SGO1: variants seen among roughly 807,000 people sequenced by gnomAD.
SGO1 encodes shugoshin 1.
Under a neutral mutation model 50.5 loss-of-function variants are expected in SGO1, and 39 were observed. The ratio of observed to expected loss-of-function variants is 0.77; its 90% CI spans 0.60 to 1.01. The LOEUF is 1.01. Among genes scored for constraint, SGO1 ranks in the 50% least tolerant of loss-of-function variants. The pLI is 0.00. For synonymous variants in SGO1, 191 were observed against 205.1 expected (o/e 0.93, Z 0.59); for missense variants, 638 against 606.0 (o/e 1.05, Z -0.55).
At position 20,174,371 on chromosome 3, in the gene SGO1, T is replaced by C. The variant is rs145134729; in HGVS notation, c.1160A>G (p.Lys387Arg). 1.9e-6 allele frequency: 3 copies of C among 1,614,070 alleles called. No homozygotes were observed. The highest frequency in any genetic ancestry group is 1.1e-5 in the South Asian group (1 of 91,088). The change falls in exon 6 of 8, where the codon AAG becomes AGG. Residue 387 changes from lysine (K) to arginine (R), a missense_variant. Coordinates refer to ENST00000412997, the MANE Select transcript of SGO1 (RefSeq NM_001199251.3). ...ATTGCTCGTGGGATTCTGAATGTAC[T>C]TGCAAGTGGGCAAATAGAGGTCATC... Reference protein sequence around the residue: ...DSDDLYLPTCKYIQNPTSNSD... With the variant: ...DSDDLYLPTCRYIQNPTSNSD...
In SGO1 at chr3:20,171,025, C is replaced by T. The variant is rs543956608; in HGVS notation, c.1472+18G>A. The T allele has an allele frequency of 4.4e-5, 69 of 1,563,404 alleles. No homozygotes were observed. The highest frequency in any genetic ancestry group is 2.4e-4 in the South Asian group (20 of 82,630). On this transcript the variant is annotated intron_variant, in intron 7 of 7. Transcript: ENST00000412997. ...ACATGTATCATTAAAAATAAGTTCCCACAAACCAAATACTTACGAAGCGAG... is the reference window on the plus strand; with the variant it reads ...ACATGTATCATTAAAAATAAGTTCCTACAAACCAAATACTTACGAAGCGAG...
downstream of SGO1, among the ~76,000 whole-genome samples, chr3:20,166,215 G>C (rs1700292749): frequency 6.6e-6 from 1 of 152,116 alleles, no homozygotes; most frequent in Non-Finnish European, 1.5e-5. Context: ...CCAACAGAAT[G>C]GGGGAGGACA....
intron 8 of SGO1, among the ~76,000 whole-genome samples, chr3:20,162,261 C>A (rs962257132): frequency 3.3e-5 from 5 of 152,150 alleles, no homozygotes; most frequent in African/African-American, 1.2e-4. Context: ...AGTTGTGAGC[C>A]AAACAACACT....
chr3:20,161,295 G>A, intron 8 of SGO1: 1 of 1,397,522 alleles, frequency 7.2e-7, no homozygotes, highest in Non-Finnish European at 9.3e-7. Context: ...ATTTTATTCA[G>A]AAGGAAAAAT....
downstream of SGO1, chr3:20,169,115 G>A (rs1700473331): frequency 1.0e-6 from 1 of 985,228 alleles, no homozygotes; most frequent in Non-Finnish European, 1.2e-6. Flanking sequence ...AAAAATTTGG[G>A]ATGATGAAAA....
downstream of SGO1, among the ~76,000 whole-genome samples, chr3:20,167,201 G>A (rs1700349403): frequency 6.6e-6 from 1 of 152,108 alleles, no homozygotes; most frequent in South Asian, 2.1e-4. Flanking sequence ...AATGAATTGT[G>A]CTGGGACAAC....
rs1171051639 is a variant in SGO1 at position 20,174,589 on chromosome 3, G to A, written c.942C>T (p.Ser314=). The change falls in exon 6 of 8, where the codon AGC becomes AGT. Residue 314 remains serine, a synonymous_variant. Coordinates refer to ENST00000412997, the MANE Select transcript of SGO1 (RefSeq NM_001199251.3). ...TTTGGGGAACAGTTTTTTTATTTTC[G>A]CTTTTATTCTCTTTATATTTTGACA... is the stretch of plus-strand genomic sequence containing the variant. The part of the protein sequence containing the change: ...KRMSKYKENK[S]ENKKTVPQKK... The A allele has an allele frequency of 6.3e-6, 10 of 1,599,662 alleles. No individual in the cohort carries two copies. The highest frequency in any genetic ancestry group is 2.2e-5 in the East Asian group (1 of 44,824).
intron 4 of SGO1, chr3:20,177,389 G>A (rs1233187679): frequency 6.6e-6 from 1 of 152,236 alleles, no homozygotes; most frequent in Non-Finnish European, 1.5e-5. Context: ...AATCTATGGT[G>A]ATAGAAATCA....
rs1374571159 is a variant in SGO1 at position 20,178,368 on chromosome 3, A to G, written c.340-21T>C. On this transcript the variant is annotated intron_variant, in intron 3 of 7. Transcript: ENST00000412997. Reference sequence around the variant, plus strand: ...TGGTTCTGTTAATGTATTAAAACAAAACACTGTTATAACTGAAGTATTCAC... The same window carrying G: ...TGGTTCTGTTAATGTATTAAAACAAGACACTGTTATAACTGAAGTATTCAC... The G allele has an allele frequency of 2.6e-6, 4 of 1,525,030 alleles. No homozygotes were observed. In the East Asian group the frequency reaches 9.0e-5, roughly 34 times the overall value. 94.5% of individuals were successfully genotyped at this position (1,525,030 alleles called of 1,614,324 possible).
At position 20,169,731 on chromosome 3, in the gene SGO1, C is replaced by T. The variant is rs1575189388; in HGVS notation, c.*973G>A. On this transcript the variant is annotated 3_prime_UTR_variant, in exon 8 of 8. Coordinates refer to ENST00000412997, the MANE Select transcript of SGO1 (RefSeq NM_001199251.3). ...TTATGGAGACATCACTCTGAACATACAATTAGAGCTTGGGGTTCACAATTA... is the reference window on the plus strand; with the variant it reads ...TTATGGAGACATCACTCTGAACATATAATTAGAGCTTGGGGTTCACAATTA... 2 of 904,836 alleles carry T rather than the reference C, an allele frequency of 2.2e-6. No homozygotes were observed. The highest frequency in any genetic ancestry group is 1.2e-4 in the East Asian group (1 of 8,438). The allele number at this position is 904,836 out of a possible 1,614,324, so 56.1% of individuals were successfully genotyped here.
Position 20,170,674 on chromosome 3 carries a change from A to G in SGO1, c.*30T>C. On this transcript the variant is annotated 3_prime_UTR_variant, in exon 8 of 8. Transcript: ENST00000412997. ...CCTGAAGCAACAGAAAGAGGTGTAG[A>G]TTGAATTTAAACAATATCCAACAAA... 4 of 1,546,844 alleles carry G rather than the reference A, an allele frequency of 2.6e-6. No homozygotes were observed. The highest frequency in any genetic ancestry group is 3.5e-6 in the Non-Finnish European group (4 of 1,153,444).
chr3:20,185,050 C>T (rs996227124), intron 1 of SGO1, among the ~76,000 whole-genome samples: 10 of 152,274 alleles, frequency 6.6e-5, no homozygotes, highest in African/African-American at 2.2e-4. Flanking sequence ...TGAGTATTTC[C>T]TCCAGGCCTT....
intron 6 of SGO1, 58 bp downstream of exon 6, chr3:20,174,191 C>T (rs1397798188): frequency 2.3e-6 from 3 of 1,306,750 alleles, no homozygotes; most frequent in East Asian, 2.3e-5. Flanking sequence ...ATATAAGCAT[C>T]AGGAGTGATC....
chr3:20,162,396 A>G lies in SGO1; in HGVS notation c.1565-1170T>C, dbSNP rs540503310. 4.2e-4 allele frequency among the ~76,000 whole-genome samples: 64 copies of G among 152,336 alleles called. 1 individual carries two copies. In the South Asian group the frequency reaches 0.013, roughly 31 times the overall value. ...ATCTTCGTACTGGGGGTAAACGAGC[A>G]TAGAGTAAAAGCTCCCAAAGATCTG... On this transcript the variant is annotated intron_variant, in intron 8 of 8. Coordinates refer to the SGO1 transcript ENST00000263753.
downstream of SGO1, chr3:20,169,367 C>T (rs1700492824): frequency 1.0e-6 from 1 of 983,898 alleles, no homozygotes; most frequent in Non-Finnish European, 1.2e-6. Flanking sequence ...TAGAACACCC[C>T]CCCCTCAAAA....
chr3:20,186,637 G>C (rs1210347289), upstream of SGO1: 1 of 152,156 alleles, frequency 6.6e-6, no homozygotes, highest in Non-Finnish European at 1.5e-5. Context: ...CCAAAACAAG[G>C]AGCAAATTCT....
intron 3 of SGO1, among the ~76,000 whole-genome samples, chr3:20,183,344 A>G (rs957647866): frequency 1.3e-5 from 2 of 152,232 alleles, no homozygotes; most frequent in East Asian, 1.9e-4. Flanking sequence ...CAGCAATGCA[A>G]AAGGCTAAAC....
At chr3:20,173,577 T>A (rs1310790890) in intron 6 of SGO1, among the ~76,000 whole-genome samples, 1 of 152,240 alleles carries the variant, frequency 6.6e-6, no homozygotes, top group Non-Finnish European at 1.5e-5. Context: ...CACAGAATTG[T>A]TCTGAGGATC....
downstream of SGO1, among the ~76,000 whole-genome samples, chr3:20,168,435 T>C (rs563676858): frequency 6.0e-4 from 92 of 152,132 alleles, no homozygotes; most frequent in African/African-American, 2.1e-3. Flanking sequence ...TGCTTTTTTT[T>C]TTTTTTTTCA....
Sources: gnomAD v4.1 joint callset for allele counts (sites outside exome capture counted in the v4.1 genomes callset) on GRCh38, gnomAD v4.1.1 for gene constraint, MANE v1.5 for transcripts, NCBI Gene and HGNC (gene_info 2026-07-23, HGNC 2026-07-21) for gene names.